Variants in CADM2 observed in about 807,000 individuals in gnomAD.
CADM2 encodes the protein cell adhesion molecule 2.
A neutral mutation model predicts 49.8 loss-of-function variants in CADM2; 12 were observed. That is an observed-to-expected ratio of 0.24 (90% CI 0.15 to 0.39). The LOEUF (loss-of-function observed/expected upper bound fraction) is 0.39, where lower values mean the gene tolerates loss of function less well. Among genes scored for constraint, CADM2 ranks in the 10% least tolerant of loss-of-function variants. The pLI is 1.00. For synonymous variants in CADM2, 214 were observed against 175.4 expected, an observed-to-expected ratio of 1.22 and a Z score of -1.74; for missense variants, 378 against 492.3, an observed-to-expected ratio of 0.77 and a Z score of 2.20.
chr3:85,552,570 C>T (rs928062829), intron 1 of CADM2, among the ~76,000 whole-genome samples: 5 of 151,700 alleles, frequency 3.3e-5, no homozygotes, highest in Admixed American at 6.6e-5. Flanking sequence ...TTAGTAGAGA[C>T]GGGTTTTCAC....
At chr3:85,608,046 G>C (rs1221807375) in intron 1 of CADM2, among the ~76,000 whole-genome samples, 2 of 152,038 alleles carry the variant, frequency 1.3e-5, no homozygotes, top group Non-Finnish European at 2.9e-5. Context: ...TAAAAAATGT[G>C]ATATAATGTT....
intron 1 of CADM2, among the ~76,000 whole-genome samples, chr3:85,505,468 TCTGCTGTTCATCAGAA>T (rs1482934297): frequency 6.6e-6 from 1 of 152,188 alleles, no homozygotes; most frequent in East Asian, 1.9e-4. Flanking sequence ...AGTTCTCCTC[TCTGCTGTTCATCAGAA>T]CCACCTGTGG....
At chr3:85,062,038 T>G (rs2036344022) in intron 1 of CADM2, among the ~76,000 whole-genome samples, 1 of 151,124 alleles carries the variant, frequency 6.6e-6, no homozygotes, top group Admixed American at 6.6e-5. Flanking sequence ...TGTCTCTCTG[T>G]CTCTCTCTCT....
intron 1 of CADM2, among the ~76,000 whole-genome samples, chr3:85,196,111 A>G (rs1238404585): frequency 6.6e-6 from 1 of 152,040 alleles, no homozygotes; most frequent in Non-Finnish European, 1.5e-5. Flanking sequence ...GTGATTTTCA[A>G]TTGTTGAATA....
At chr3:85,926,090 T>A (rs1336613002) in intron 6 of CADM2, among the ~76,000 whole-genome samples, 1 of 151,224 alleles carries the variant, frequency 6.6e-6, no homozygotes, top group Non-Finnish European at 1.5e-5. Context: ...TGAGCCGAGA[T>A]CATACCACTG....
intron 1 of CADM2, among the ~76,000 whole-genome samples, chr3:85,633,767 C>A (rs944753241): frequency 6.6e-6 from 1 of 151,846 alleles, no homozygotes; most frequent in Non-Finnish European, 1.5e-5. Flanking sequence ...ATAAAATATT[C>A]CTTTCAAAGA....
chr3:85,754,278 A>G (rs577963672), intron 2 of CADM2, among the ~76,000 whole-genome samples: 14 of 152,168 alleles, frequency 9.2e-5, no homozygotes, highest in African/African-American at 2.9e-4. Context: ...GGAGACTGCC[A>G]TTCCCTGACA....
chr3:85,976,349 A>G (rs146580542), intron 8 of CADM2, among the ~76,000 whole-genome samples: 2 of 151,694 alleles, frequency 1.3e-5, no homozygotes, highest in East Asian at 3.9e-4. Context: ...GAGCGGGTGG[A>G]AAGTTTAGGT....
intron 1 of CADM2, among the ~76,000 whole-genome samples, chr3:84,974,781 C>T (rs537816003): frequency 1.3e-5 from 2 of 151,988 alleles, no homozygotes; most frequent in Admixed American, 1.3e-4. Flanking sequence ...TATTACTTAC[C>T]TCATTTCTGT....
At chr3:85,497,220 T>C (rs1257836557) in intron 1 of CADM2, among the ~76,000 whole-genome samples, 1 of 151,726 alleles carries the variant, frequency 6.6e-6, no homozygotes, top group Non-Finnish European at 1.5e-5. Context: ...TTTAAGTTTC[T>C]TATAGATTCT....
Position 85,552,821 on chromosome 3 carries a change from C to A in CADM2, c.62-173701C>A, listed in dbSNP as rs141454456. On this transcript the variant is annotated intron_variant, in intron 1 of 9. Coordinates refer to ENST00000383699, the MANE Select transcript of CADM2 (RefSeq NM_001167675.2). ...CCTTCCAAGTAGCTGGGACTACAGG[C>A]GTGTGCCACCACGCCCAGCAAATTT... Among the ~76,000 whole-genome samples, 560 of 151,974 alleles carry A rather than the reference C, an allele frequency of 3.7e-3. 4 individuals are homozygous for A. Among genetic ancestry groups the A allele is most frequent in the African/African-American group, 0.013 (540 of 41,426 alleles).
At chr3:85,994,321 A>G (rs986351436) in intron 8 of CADM2, 1 of 152,162 alleles carries the variant, frequency 6.6e-6, no homozygotes, top group African/African-American at 2.4e-5. Flanking sequence ...CATGTCTTTC[A>G]ATCTTCACAG....
At chr3:85,252,630 AGTGTT>A (rs1161255991) in intron 1 of CADM2, among the ~76,000 whole-genome samples, 2 of 152,152 alleles carry the variant, frequency 1.3e-5, no homozygotes, top group East Asian at 3.9e-4. Flanking sequence ...GCACTGAGGT[AGTGTT>A]ATTATTATTC....
intron 3 of CADM2, among the ~76,000 whole-genome samples, chr3:85,829,420 A>G (rs2074079858): frequency 1.3e-5 from 2 of 151,982 alleles, no homozygotes; most frequent in African/African-American, 4.8e-5. Context: ...AACATTTATC[A>G]TTTCTTTGTG....
At chr3:85,625,284 A>G (rs2107502727) in intron 1 of CADM2, among the ~76,000 whole-genome samples, 1 of 152,232 alleles carries the variant, frequency 6.6e-6, no homozygotes, top group East Asian at 1.9e-4. Flanking sequence ...TTCCTCTAGT[A>G]TTATATTAAA....
intron 1 of CADM2, among the ~76,000 whole-genome samples, chr3:85,576,647 T>C (rs1377350892): frequency 6.6e-6 from 1 of 152,188 alleles, no homozygotes; most frequent in Non-Finnish European, 1.5e-5. Flanking sequence ...TGACTCTTTT[T>C]ATTTATTCAT....
At chr3:86,027,972 G>T (rs572053002) in intron 8 of CADM2, 6 of 144,366 alleles carry the variant, frequency 4.2e-5, no homozygotes, top group Non-Finnish European at 7.5e-5. Flanking sequence ...CAGGATACAG[G>T]TACTCTCTTC....
At chr3:85,364,707 T>C (rs570465236) in intron 1 of CADM2, among the ~76,000 whole-genome samples, 22 of 152,282 alleles carry the variant, frequency 1.4e-4, no homozygotes, top group African/African-American at 5.3e-4. Flanking sequence ...TTACAGTGGG[T>C]TCAAGTTCAG....
At chr3:85,810,541 T>C (rs1416838448) in intron 3 of CADM2, among the ~76,000 whole-genome samples, 2 of 132,710 alleles carry the variant, frequency 1.5e-5, no homozygotes, top group South Asian at 4.9e-4. Context: ...TGTTTTTTTT[T>C]TTTTTTTTTT....
Sources: gnomAD v4.1 joint callset for allele counts (sites outside exome capture counted in the v4.1 genomes callset) on GRCh38, gnomAD v4.1.1 for gene constraint, MANE v1.5 for transcripts, NCBI Gene and HGNC (gene_info 2026-07-23, HGNC 2026-07-21) for gene names.